Variants in ITSN1 observed in about 807,000 individuals in gnomAD.
ITSN1 encodes intersectin 1, also known as intersectin-1.
ITSN1 carries 58 observed loss-of-function variants against 239.8 expected under a neutral mutation model. That is an observed-to-expected ratio of 0.24 (90% CI 0.20 to 0.30). The LOEUF is 0.30. Among genes scored for constraint, ITSN1 ranks in the 10% least tolerant of loss-of-function variants. ITSN1 has a pLI of 1.00. For synonymous variants in ITSN1, 780 were observed against 770.8 expected, an observed-to-expected ratio of 1.01 and a Z score of -0.20; for missense variants, 1,558 against 2,103.3, an observed-to-expected ratio of 0.74 and a Z score of 5.07.
intron 29 of ITSN1, among the ~76,000 whole-genome samples, chr21:33,856,274 C>T (rs1979311672): frequency 6.6e-6 from 1 of 152,110 alleles, no homozygotes; most frequent in Non-Finnish European, 1.5e-5. Context: ...TCTAGGGTGC[C>T]CTAACAAACG....
intron 1 of ITSN1, among the ~76,000 whole-genome samples, chr21:33,658,727 A>G (rs1310511230): frequency 3.3e-5 from 5 of 152,164 alleles, no homozygotes; most frequent in Admixed American, 3.3e-4. Context: ...CTGTCTGTAT[A>G]TCCCATCTTG....
intron 2 of ITSN1, among the ~76,000 whole-genome samples, chr21:33,719,896 G>T (rs1350875596): frequency 1.3e-5 from 2 of 152,080 alleles, no homozygotes; most frequent in Non-Finnish European, 2.9e-5. Flanking sequence ...TTATTAAAAA[G>T]TACTTATTAA....
chr21:33,787,575 C>T (rs1602235868), intron 16 of ITSN1, among the ~76,000 whole-genome samples: 1 of 152,278 alleles, frequency 6.6e-6, no homozygotes, highest in Non-Finnish European at 1.5e-5. Context: ...TGGTTTCAGA[C>T]ACTAGCTTTC....
At position 33,746,446 on chromosome 21, in the gene ITSN1, C is replaced by T. The variant is rs1038220140; in HGVS notation, c.347-3697C>T. ...AAAGAACTGAAGAACTAAAGGAAAA[C>T]GTGGAAATGAATCAACAGACAGACA... On this transcript the variant is annotated intron_variant, in intron 5 of 39. Transcript: ENST00000381318. Among the ~76,000 whole-genome samples the T allele has an allele frequency of 3.9e-5, 6 of 152,082 alleles. No homozygotes were observed. In the East Asian group the frequency reaches 5.8e-4, roughly 15 times the overall value.
intron 22 of ITSN1, among the ~76,000 whole-genome samples, chr21:33,815,337 T>C (rs1334768309): frequency 6.6e-6 from 1 of 152,032 alleles, no homozygotes; most frequent in Non-Finnish European, 1.5e-5. Flanking sequence ...GCATCTGTCC[T>C]AGCTCAGCAT....
intron 32 of ITSN1, among the ~76,000 whole-genome samples, chr21:33,866,489 C>T (rs557969459): frequency 1.0e-5 from 1 of 96,634 alleles, no homozygotes; most frequent in Non-Finnish European, 2.7e-5. Flanking sequence ...ATTGTCCCTC[C>T]CCGCCCCTCT....
Position 33,794,256 on chromosome 21 carries a change from C to T in ITSN1, c.1825-85C>T, listed in dbSNP as rs2071365579. ...TTATCTCCTAAGTGTCCTAGGCTTC[C>T]CACTATGAAATGTTGCATGCTGATA... is the stretch of plus-strand genomic sequence containing the variant. On this transcript the variant is annotated intron_variant, in intron 16 of 39. Coordinates refer to ENST00000381318, the MANE Select transcript of ITSN1 (RefSeq NM_003024.3). 3.6e-5 allele frequency: 37 copies of T among 1,029,350 alleles called. No individual in the cohort carries two copies. In the South Asian group the frequency reaches 5.3e-4, roughly 15 times the overall value. 63.8% of individuals were successfully genotyped at this position (1,029,350 alleles called of 1,614,324 possible).
intron 1 of ITSN1, among the ~76,000 whole-genome samples, chr21:33,655,521 A>ATCTC (rs2088970370): frequency 6.6e-6 from 1 of 151,876 alleles, no homozygotes; most frequent in Non-Finnish European, 1.5e-5. Flanking sequence ...CCTGGGTTCA[A>ATCTC]ACAATCCCCC....
intron 1 of ITSN1, among the ~76,000 whole-genome samples, chr21:33,696,610 C>A (rs1188067509): frequency 1.3e-5 from 2 of 152,128 alleles, no homozygotes; most frequent in Non-Finnish European, 2.9e-5. Flanking sequence ...TATTTCATTT[C>A]TTTTACTACC....
chr21:33,790,413 A>G (rs1367036717), intron 16 of ITSN1, among the ~76,000 whole-genome samples: 2 of 152,036 alleles, frequency 1.3e-5, no homozygotes, highest in Non-Finnish European at 2.9e-5. Flanking sequence ...AAAGTACTGT[A>G]ATTATGTTTT....
rs2071643060 is a variant in ITSN1 at position 33,797,367 on chromosome 21, G to C, written c.1953-12G>C. ...TTGCTTTCTTGCTGTAATCAAGCGT[G>C]TTTGTTGGCAGACGAGCTCAGGAAA... On this transcript the variant is annotated splice_polypyrimidine_tract_variant and intron_variant, in intron 17 of 39. Coordinates refer to ENST00000381318, the MANE Select transcript of ITSN1 (RefSeq NM_003024.3). The surrounding 1 kb of genome is among the most constrained non-coding windows in gnomAD (Gnocchi z 4.9). 1 of 1,612,344 alleles carries C rather than the reference G, an allele frequency of 6.2e-7. No individual in the cohort carries two copies. Among genetic ancestry groups the C allele is most frequent in the African/African-American group, 1.3e-5 (1 of 74,980 alleles).
chr21:33,883,603 C>T lies in ITSN1; in HGVS notation c.4608C>T (p.Asp1536=), dbSNP rs75569856. ...LVKLPTDPSG[D]EPIFHISHID... is the part of the protein sequence containing the mutation. ...AATTACCCACCGACCCTTCTGGAGA[C>T]GAGCCCATCTTCCACATCTCCCACA... Residue 1536 remains aspartate (D), a synonymous_variant, in exon 36 of 40, where the codon GAC becomes GAT. Coordinates refer to ENST00000381318, the MANE Select transcript of ITSN1 (RefSeq NM_003024.3). 17 of 1,613,762 alleles carry T rather than the reference C, an allele frequency of 1.1e-5. No homozygotes were observed. The highest frequency in any genetic ancestry group is 4.4e-5 in the South Asian group (4 of 91,090).
chr21:33,664,388 G>A lies in ITSN1; in HGVS notation c.-33+21675G>A, dbSNP rs987682766. On this transcript the variant is annotated intron_variant, in intron 1 of 39. Coordinates refer to ENST00000381318, the MANE Select transcript of ITSN1 (RefSeq NM_003024.3). ...GAGGTAGTAGGAGCGGGATGGGAAGGGGCCAGGTTGTTAACAGCCAGCTCA... is the reference window on the plus strand; with the variant it reads ...GAGGTAGTAGGAGCGGGATGGGAAGAGGCCAGGTTGTTAACAGCCAGCTCA... Among the ~76,000 whole-genome samples, 8 of 152,100 alleles carry A rather than the reference G, an allele frequency of 5.3e-5. 1 individual carries two copies. The highest frequency in any genetic ancestry group is 1.9e-4 in the African/African-American group (8 of 41,422).
intron 1 of ITSN1, among the ~76,000 whole-genome samples, chr21:33,701,006 G>T (rs1163754121): frequency 7.0e-6 from 1 of 143,110 alleles, no homozygotes; most frequent in Non-Finnish European, 1.5e-5. Flanking sequence ...TATAGATGTG[G>T]TCTCACTCTG....
At chr21:33,877,356 C>A (rs1332165785) in intron 34 of ITSN1, among the ~76,000 whole-genome samples, 1 of 152,068 alleles carries the variant, frequency 6.6e-6, no homozygotes, top group Non-Finnish European at 1.5e-5. Flanking sequence ...CCTGGCCCAC[C>A]TGCAGGCATC....
At chr21:33,734,925 G>C in intron 4 of ITSN1, 119 bp from the exon 5 acceptor site, 2 of 741,980 alleles carry the variant, frequency 2.7e-6, no homozygotes, top group Non-Finnish European at 2.1e-6. Context: ...TATGTTTTCT[G>C]TTGTTGTCTC....
At chr21:33,854,774 C>T (rs974506603) in intron 29 of ITSN1, among the ~76,000 whole-genome samples, 10 of 152,216 alleles carry the variant, frequency 6.6e-5, no homozygotes, top group South Asian at 2.1e-4. Context: ...AGCTCAGACA[C>T]ATCTGCAGAC....
chr21:33,752,560 A>C (rs2067628627), intron 7 of ITSN1, among the ~76,000 whole-genome samples: 1 of 152,174 alleles, frequency 6.6e-6, no homozygotes, highest in African/African-American at 2.4e-5. Context: ...CTGCTACATT[A>C]AGAAGAGAAA....
chr21:33,849,597 G>C (rs2075096089), intron 29 of ITSN1, among the ~76,000 whole-genome samples: 1 of 147,828 alleles, frequency 6.8e-6, no homozygotes, highest in African/African-American at 2.5e-5. Flanking sequence ...CCTAGTATTT[G>C]ATACCACAAC....
Sources: gnomAD v4.1 joint callset for allele counts (sites outside exome capture counted in the v4.1 genomes callset) on GRCh38, gnomAD v4.1.1 for gene constraint, Gnocchi (gnomAD v3.1) non-coding constraint, MANE v1.5 for transcripts, NCBI Gene and HGNC (gene_info 2026-07-23, HGNC 2026-07-21) for gene names.